Variants in SSX5 observed in about 807,000 individuals in gnomAD.
SSX5 encodes SSX family member 5.
A neutral mutation model predicts 14.9 loss-of-function variants in SSX5; 14 were observed. That is an observed-to-expected ratio of 0.94 (90% CI 0.62 to 1.47). SSX5 has a LOEUF of 1.47. SSX5 is among the 40% of genes most tolerant of loss of function. The pLI, the probability that SSX5 is intolerant of heterozygous loss-of-function variation, is 0.00. For synonymous variants in SSX5, 70 were observed against 55.4 expected (o/e 1.26, Z -1.17); for missense variants, 204 against 154.6 (o/e 1.32, Z -1.70).
In SSX5 at chrX:48,196,716, T is replaced by G. The variant is rs2059442789; in HGVS notation, c.-21+15A>C. ...GGGTAGGAAGAATGGAAAAAGAAAA[T>G]CAGCAAATGCTTACTCTGATTTTGG... On this transcript the variant is annotated intron_variant, in intron 1 of 7. Coordinates refer to ENST00000347757, the MANE Select transcript of SSX5 (RefSeq NM_175723.2). 9.1e-6 allele frequency: 1 copy of G among 110,224 alleles called. No homozygotes were observed. Among genetic ancestry groups the G allele is most frequent in the African/African-American group, 3.3e-5 (1 of 30,264 alleles). 9.1% of individuals were successfully genotyped at this position (110,224 alleles called of 1,213,427 possible).
Position 48,187,650 on chromosome X carries a change from G to T in SSX5, c.548C>A (p.Pro183His). ...QLVIYEEISD[P>H]QEDDE ...ACGGAGTTACTCGTCATCTTCCTGAGGGTCGCTGATCTCTTCATAAATCAC... is the reference window on the plus strand; with the variant it reads ...ACGGAGTTACTCGTCATCTTCCTGATGGTCGCTGATCTCTTCATAAATCAC... Residue 183 changes from proline to histidine, a missense_variant, in exon 7 of 8, where the codon CCT becomes CAT. Physicochemically the swap from Pro to His is moderately conservative, Grantham distance 77. Transcript: ENST00000347757. 1 of 1,209,528 alleles carries T rather than the reference G, an allele frequency of 8.3e-7. No homozygotes were observed. Among genetic ancestry groups the T allele is most frequent in the Non-Finnish European group, 1.1e-6 (1 of 895,058 alleles).
At chrX:48,193,129 G>A (rs183748688) in intron 4 of SSX5, among the ~76,000 whole-genome samples, 1 of 111,897 alleles carries the variant, frequency 8.9e-6, no homozygotes, top group African/African-American at 3.2e-5. Context: ...ATAAAATACA[G>A]GGAAACAGCA....
At position 48,196,003 on chromosome X, in the gene SSX5, CA is replaced by C. The variant is rs782432404; in HGVS notation, c.-20-626del. Among the ~76,000 whole-genome samples the C allele has an allele frequency of 3.7e-3, 419 of 111,748 alleles. 3 individuals carry two copies. The highest frequency in any genetic ancestry group is 0.013 in the African/African-American group (403 of 30,788). ...TGTGGGGTGTTTCAACATGCACAAT[CA>C]GCCAGGCTCGGTGGCTCACTCCTGT... On this transcript the variant is annotated intron_variant, in intron 1 of 7. Transcript: ENST00000347757.
In SSX5 at chrX:48,192,645, T is replaced by A. The variant is rs144272592; in HGVS notation, c.281-364A>T. On this transcript the variant is annotated intron_variant, in intron 4 of 7. Coordinates refer to ENST00000347757, the MANE Select transcript of SSX5 (RefSeq NM_175723.2). ...TCATTTTACACTTCAAATGGGTGAA[T>A]CTTATGGTATGTGAATTAAGCTGTT... Among the ~76,000 whole-genome samples, 88 of 112,516 alleles carry A rather than the reference T, an allele frequency of 7.8e-4. 1 individual carries two copies. The highest frequency in any genetic ancestry group is 7.1e-3 in the Admixed American group (75 of 10,579).
chrX:48,188,581 T>C (rs1335159058), intron 6 of SSX5, among the ~76,000 whole-genome samples: 6 of 112,298 alleles, frequency 5.3e-5, no homozygotes, highest in Non-Finnish European at 1.1e-4. Flanking sequence ...CTTCCTTTTC[T>C]TGGGCATCTG....
rs782708691 is a variant in SSX5 at position 48,186,534 on chromosome X, G to T, written c.*327C>A. ...TCTGGGAAGAGAGGAGGGTAGTGTT[G>T]TTCTATGCAGAGAATACCTGACGAT... On this transcript the variant is annotated 3_prime_UTR_variant, in exon 8 of 8. Coordinates refer to ENST00000347757, the MANE Select transcript of SSX5 (RefSeq NM_175723.2). The T allele has an allele frequency of 2.4e-6, 1 of 411,813 alleles. No homozygotes were observed. Among genetic ancestry groups the T allele is most frequent in the Non-Finnish European group, 4.3e-6 (1 of 234,102 alleles). 33.9% of individuals were successfully genotyped at this position (411,813 alleles called of 1,213,427 possible). A position where few individuals can be genotyped will look rare whatever the true frequency, so the allele number is the denominator to read the frequency against.
At chrX:48,195,920 A>G (rs1556925743) in intron 1 of SSX5, among the ~76,000 whole-genome samples, 1 of 111,329 alleles carries the variant, frequency 9.0e-6, no homozygotes, top group African/African-American at 3.3e-5. Flanking sequence ...GTAAATTATT[A>G]GAAGGAAGAG....
Position 48,190,159 on chromosome X carries a change from G to T in SSX5, c.440C>A (p.Thr147Asn). The T allele has an allele frequency of 8.3e-7, 1 of 1,210,653 alleles. No homozygotes were observed. The highest frequency in any genetic ancestry group is 1.1e-6 in the Non-Finnish European group (1 of 895,020). Residue 147 changes from threonine to asparagine, a missense_variant, in exon 6 of 8, where the codon ACC becomes AAC. Coordinates refer to ENST00000347757, the MANE Select transcript of SSX5 (RefSeq NM_175723.2). The part of the protein sequence containing the change: ...KQLRPSGKLN[T>N]SEKVNKTSGP... ...AGATGTCTTGTTAACCTTCTCAGAG[G>T]TATTTAGTTTTCCTGAGGGGCGCAG...
intron 7 of SSX5, 77 bp from the exon 8 acceptor site, chrX:48,186,933 A>T (rs782446566): frequency 8.8e-7 from 1 of 1,137,499 alleles, no homozygotes; most frequent in South Asian, 1.8e-5. Context: ...ACTCCTCCTG[A>T]CCTGCAGACC....
chrX:48,194,641 G>A, intron 3 of SSX5, 99 bp downstream of exon 3: 4 of 969,651 alleles, frequency 4.1e-6, no homozygotes, highest in South Asian at 2.3e-5. Flanking sequence ...TGCACAAAAG[G>A]AAAACGTGGG....
chrX:48,194,294 G>T (rs2059431670), intron 3 of SSX5, 70 bp from the exon 4 acceptor site: 2 of 1,089,703 alleles, frequency 1.8e-6, no homozygotes, highest in African/African-American at 3.6e-5. Context: ...CATGTCTGTA[G>T]TAGCAGCTCT....
Position 48,187,679 on chromosome X carries a change from T to C in SSX5, c.519A>G (p.Gln173=), listed in dbSNP as rs146682758. 1.8e-4 allele frequency: 221 copies of C among 1,207,649 alleles called. 2 individuals are homozygous for C. Among genetic ancestry groups the C allele is most frequent in the African/African-American group, 1.6e-3 (89 of 56,751 alleles). ...CGCTGATCTCTTCATAAATCACCAG[T>C]TGCTTTCTCTCACGCACTCTGTGGG... ...AWTHRVRERK[Q]LVIYEEISDP... is the part of the protein sequence containing the mutation. Residue 173 remains glutamine (Q), a synonymous_variant, in exon 7 of 8, where the codon CAA becomes CAG. Transcript: ENST00000347757.
intron 7 of SSX5, among the ~76,000 whole-genome samples, 157 bp downstream of exon 7, chrX:48,187,470 A>T (rs1232083672): frequency 1.8e-5 from 2 of 110,566 alleles, no homozygotes; most frequent in Non-Finnish European, 3.8e-5. Context: ...CCCACAAAAA[A>T]AAACATGGGA....
chrX:48,187,251 T>A (rs782482681), intron 7 of SSX5, among the ~76,000 whole-genome samples: 2 of 110,779 alleles, frequency 1.8e-5, no homozygotes, highest in African/African-American at 6.6e-5. Context: ...GTCAGGAGAT[T>A]GAGACCATTC....
intron 6 of SSX5, 54 bp from the exon 7 acceptor site, chrX:48,187,785 G>T (rs1389174232): frequency 6.9e-6 from 8 of 1,167,426 alleles, no homozygotes; most frequent in Admixed American, 6.5e-5. Context: ...AGAGGGTTGG[G>T]TTGATTGGAG....
Position 48,195,364 on chromosome X carries a change from C to T in SSX5, c.-6G>A. ...AAGGCATCGTCTCCGTTCATGGCACCGGGAGCACTCTGTCCTACAAGAGAA... is the reference window on the plus strand; with the variant it reads ...AAGGCATCGTCTCCGTTCATGGCACTGGGAGCACTCTGTCCTACAAGAGAA... On this transcript the variant is annotated 5_prime_UTR_variant, in exon 2 of 8. Coordinates refer to ENST00000347757, the MANE Select transcript of SSX5 (RefSeq NM_175723.2). 3.3e-6 allele frequency: 4 copies of T among 1,210,688 alleles called. No individual in the cohort carries two copies. The highest frequency in any genetic ancestry group is 3.5e-5 in the South Asian group (2 of 56,820).
intron 7 of SSX5, among the ~76,000 whole-genome samples, chrX:48,187,376 C>G (rs782518885): frequency 9.0e-6 from 1 of 110,663 alleles, no homozygotes; most frequent in South Asian, 3.9e-4. Context: ...AGGAGAATGG[C>G]GTGAACACGG....
intron 5 of SSX5, among the ~76,000 whole-genome samples, chrX:48,191,289 T>A (rs1205256861): frequency 8.9e-6 from 1 of 111,822 alleles, no homozygotes; most frequent in Non-Finnish European, 1.9e-5. Context: ...TCTCTGAGCT[T>A]GTAAACACTG....
At chrX:48,188,205 C>T (rs1297789451) in intron 6 of SSX5, among the ~76,000 whole-genome samples, 2 of 111,927 alleles carry the variant, frequency 1.8e-5, no homozygotes, top group African/African-American at 3.2e-5. Context: ...ATTATTACTG[C>T]AATTGTTTTT....
Sources: gnomAD v4.1 joint callset for allele counts (sites outside exome capture counted in the v4.1 genomes callset) on GRCh38, gnomAD v4.1.1 for gene constraint, MANE v1.5 for transcripts, NCBI Gene and HGNC (gene_info 2026-07-23, HGNC 2026-07-21) for gene names.